The following MYL6 variants were observed in gnomAD, a reference collection of about 807,000 sequenced individuals.
The protein encoded by MYL6 is myosin light chain 6, also known as myosin light polypeptide 6.
In MYL6, 20 loss-of-function variants were observed where a neutral mutation model predicts 20.3. The observed-to-expected ratio is 0.98, with a 90% CI of 0.69 to 1.43. MYL6 has a LOEUF of 1.43. Ranked by LOEUF, MYL6 falls within the 40% of genes most tolerant of loss-of-function variation. The probability of loss-of-function intolerance (pLI) is 0.00; values close to 1 mark genes in which losing one functional copy is unlikely to be tolerated. For synonymous variants in MYL6, 77 were observed against 72.4 expected (o/e 1.06, Z -0.32); for missense variants, 164 against 191.0 (o/e 0.86, Z 0.83).
chr12:56,159,899 T>G (rs952340475), intron 3 of MYL6, 76 bp from the exon 4 acceptor site: 1 of 1,540,830 alleles, frequency 6.5e-7, no homozygotes, highest in African/African-American at 1.4e-5. Flanking sequence ...TCTGTTCAGT[T>G]GAGGTCTCTA....
In MYL6 at chr12:56,160,675, G is replaced by T. The variant is rs377654939; in HGVS notation, c.*16+5G>T. On this transcript the variant is annotated splice_donor_5th_base_variant and intron_variant, in intron 6 of 6. Coordinates refer to ENST00000550697, the MANE Select transcript of MYL6 (RefSeq NM_021019.5). ...GGTGACGGGCCCATGGGGCGGGTAC[G>T]GCTCCTCCCAGCCTCTCCTCTAGTT... The T allele has an allele frequency of 6.2e-7, 1 of 1,614,054 alleles. No individual in the cohort carries two copies. The highest frequency in any genetic ancestry group is 1.1e-5 in the South Asian group (1 of 91,084).
Position 56,160,614 on chromosome 12 carries a change from T to A in MYL6, c.428-12T>A, listed in dbSNP as rs1379086961. 1 of 1,614,048 alleles carries A rather than the reference T, an allele frequency of 6.2e-7. No homozygotes were observed. The highest frequency in any genetic ancestry group is 1.1e-5 in the South Asian group (1 of 91,082). On this transcript the variant is annotated splice_polypyrimidine_tract_variant and intron_variant, in intron 5 of 6. Transcript: ENST00000550697. ...TCTTGTCTTCACCATGAATGTCTCT[T>A]CCTTCCTGCAGCGTTTGTGAGGCAT... is the stretch of plus-strand genomic sequence containing the variant.
intron 2 of MYL6, 27 bp downstream of exon 2, chr12:56,158,738 G>A (rs201958663): frequency 3.5e-5 from 56 of 1,613,416 alleles, no homozygotes; most frequent in Middle Eastern, 1.7e-4. Context: ...CCCTACCGAG[G>A]TCACCCTTAG....
chr12:56,160,530 G>A, intron 5 of MYL6, 96 bp from the exon 6 acceptor site: 5 of 1,459,216 alleles, frequency 3.4e-6, no homozygotes, highest in Non-Finnish European at 4.8e-6. Context: ...GGGAAGGAAT[G>A]AGAAGTGAAA....
chr12:56,160,510 T>C, intron 5 of MYL6, 116 bp from the exon 6 acceptor site: 5 of 1,417,144 alleles, frequency 3.5e-6, no homozygotes, highest in East Asian at 2.3e-5. Flanking sequence ...GGGGTAGTAT[T>C]GTAGAGGGTG....
chr12:56,160,704 C>T (rs543808399), intron 6 of MYL6, 34 bp downstream of exon 6: 7 of 1,609,146 alleles, frequency 4.4e-6, no homozygotes, highest in Non-Finnish European at 5.1e-6. Flanking sequence ...TCTAGTTGAT[C>T]TCCCCAGTGT....
Position 56,160,124 on chromosome 12 carries a change from A to T in MYL6, c.325A>T (p.Ile109Phe). 1 of 1,614,124 alleles carries T rather than the reference A, an allele frequency of 6.2e-7. No individual in the cohort carries two copies. Residue 109 changes from isoleucine to phenylalanine, a missense_variant, in exon 4 of 7, where the codon ATC becomes TTC. Physicochemically the swap from Ile to Phe is conservative, Grantham distance 21. Coordinates refer to ENST00000550697, the MANE Select transcript of MYL6 (RefSeq NM_021019.5). ...AAATGGCACCGTCATGGGTGCTGAA[A>T]TCCGGCATGTTCTTGTCACACTGGG... ...EGNGTVMGAE[I>F]RHVLVTLGEK...
intron 2 of MYL6, 49 bp from the exon 3 acceptor site, chr12:56,159,538 G>A (rs769915323): frequency 5.6e-6 from 9 of 1,598,890 alleles, no homozygotes; most frequent in East Asian, 2.2e-5. Flanking sequence ...CTGAGGTAGG[G>A]TTTGGATTAA....
rs1871598645 is a variant in MYL6 at position 56,159,729 on chromosome 12, T to C, written c.174T>C (p.Asp58=). ...VLKVLGNPKS[D]EMNVKVLDFE... ...AGGTCCTGGGGAACCCCAAGAGTGA[T>C]GGTGAGGGGCCTAAAGAACAACTCC... is the stretch of plus-strand genomic sequence containing the variant. The change falls in exon 3 of 7, where the codon GAT becomes GAC. Residue 58 remains aspartate, a splice_region_variant and synonymous_variant. Coordinates refer to ENST00000550697, the MANE Select transcript of MYL6 (RefSeq NM_021019.5). The C allele has an allele frequency of 3.1e-6, 5 of 1,613,428 alleles. No individual in the cohort carries two copies. The highest frequency in any genetic ancestry group is 4.5e-5 in the East Asian group (2 of 44,878).
chr12:56,160,681 T>G lies in MYL6; in HGVS notation c.*16+11T>G. On this transcript the variant is annotated intron_variant, in intron 6 of 6. Transcript: ENST00000550697. ...GGGCCCATGGGGCGGGTACGGCTCCTCCCAGCCTCTCCTCTAGTTGATCTC... is the reference window on the plus strand; with the variant it reads ...GGGCCCATGGGGCGGGTACGGCTCCGCCCAGCCTCTCCTCTAGTTGATCTC... 1 of 1,613,706 alleles carries G rather than the reference T, an allele frequency of 6.2e-7. No individual in the cohort carries two copies. The highest frequency in any genetic ancestry group is 8.5e-7 in the Non-Finnish European group (1 of 1,179,732).
At chr12:56,159,803 T>A in intron 3 of MYL6, 73 bp downstream of exon 3, 1 of 1,556,664 alleles carries the variant, frequency 6.4e-7, no homozygotes, top group Non-Finnish European at 8.7e-7. Flanking sequence ...CTTCCCTTTA[T>A]CTTCATAGGC....
intron 4 of MYL6, 46 bp from the exon 5 acceptor site, chr12:56,160,197 C>G: frequency 6.2e-7 from 1 of 1,613,428 alleles, no homozygotes; most frequent in Non-Finnish European, 8.5e-7. Context: ...CCCTGAGGTA[C>G]CTCACTTGTC....
intron 6 of MYL6, 147 bp from the exon 7 acceptor site, chr12:56,161,240 G>A: frequency 1.1e-6 from 1 of 878,384 alleles, no homozygotes; most frequent in South Asian, 1.4e-5. Flanking sequence ...TCAGACTCAA[G>A]GTGGCTCCTC....
intron 2 of MYL6, chr12:56,158,996 T>C: frequency 7.8e-7 from 1 of 1,276,648 alleles, no homozygotes; most frequent in South Asian, 1.8e-5. Context: ...CTCGGGAGGG[T>C]GTATAAAGCT....
At chr12:56,159,228 A>G (rs1592260049) in intron 2 of MYL6, 1 of 288,966 alleles carries the variant, frequency 3.5e-6, no homozygotes, top group South Asian at 4.9e-5. Flanking sequence ...GCAGGTTGGG[A>G]TGACCCTAGT....
At chr12:56,160,451 C>T in intron 5 of MYL6, 131 bp downstream of exon 5, 2 of 1,450,862 alleles carry the variant, frequency 1.4e-6, no homozygotes, top group Non-Finnish European at 1.9e-6. Context: ...GGGCCCTGCC[C>T]AGCCCAGCCC....
chr12:56,159,370 G>T (rs1871559332), intron 2 of MYL6: 2 of 562,420 alleles, frequency 3.6e-6, no homozygotes, highest in Non-Finnish European at 6.0e-6. Context: ...TTGTGTAAAT[G>T]GATGTTACCA....
intron 2 of MYL6, 75 bp downstream of exon 2, chr12:56,158,786 T>C: frequency 6.3e-7 from 1 of 1,598,148 alleles, no homozygotes; most frequent in Non-Finnish European, 8.5e-7. Flanking sequence ...TATCCTCTAA[T>C]CTTAATCTGT....
chr12:56,160,454 C>A (rs1871689631), intron 5 of MYL6, 134 bp downstream of exon 5: 8 of 1,451,374 alleles, frequency 5.5e-6, no homozygotes, highest in Admixed American at 1.7e-5. Flanking sequence ...CCCTGCCCAG[C>A]CCAGCCCAGG....
Sources: allele counts gnomAD v4.1 joint callset, GRCh38; gene constraint gnomAD v4.1.1; transcripts MANE v1.5; gene names NCBI Gene and HGNC (gene_info 2026-07-23, HGNC 2026-07-21).